Variants in FAM117B observed in about 807,000 individuals in gnomAD.
FAM117B encodes the protein protein FAM117B.
FAM117B carries 22 observed loss-of-function variants against 52.8 expected under a neutral mutation model. The ratio of observed to expected loss-of-function variants is 0.42; its 90% CI spans 0.30 to 0.59. The LOEUF is 0.59. FAM117B is among the 20% of genes least tolerant of loss of function. The pLI is 0.22. For synonymous variants in FAM117B, 309 were observed against 324.1 expected, an observed-to-expected ratio of 0.95 and a Z score of 0.50; for missense variants, 678 against 802.6, an observed-to-expected ratio of 0.84 and a Z score of 1.88.
In FAM117B at chr2:202,768,284, A is replaced by G. The variant is rs1480085573; in HGVS notation, c.*2520A>G. On this transcript the variant is annotated 3_prime_UTR_variant, in exon 8 of 8. Transcript: ENST00000392238. The stretch of plus-strand genomic sequence containing the variant: ...TTCATATCTTTCTGTGGAGTTTCAT[A>G]TGTCCTTAATCTAAAGTAACTTAAA... 6.6e-6 allele frequency: 1 copy of G among 152,164 alleles called. No homozygotes were observed. The highest frequency in any genetic ancestry group is 1.9e-4 in the East Asian group (1 of 5,198). 9.4% of individuals were successfully genotyped at this position (152,164 alleles called of 1,614,324 possible).
At chr2:202,715,701 A>G (rs1302713869) in intron 2 of FAM117B, among the ~76,000 whole-genome samples, 3 of 152,212 alleles carry the variant, frequency 2.0e-5, no homozygotes, top group Admixed American at 6.5e-5. Flanking sequence ...AGAGGCTGCA[A>G]TCTCGGCACT....
At chr2:202,756,029 C>A (rs992029122) in intron 5 of FAM117B, among the ~76,000 whole-genome samples, 4 of 152,206 alleles carry the variant, frequency 2.6e-5, no homozygotes, top group Non-Finnish European at 4.4e-5. Context: ...ACATTGAATA[C>A]CTTCTAAGCA....
chr2:202,635,766 C>G lies in FAM117B; in HGVS notation c.579C>G (p.Pro193=). The change falls in exon 1 of 8, where the codon CCC becomes CCG. Residue 193 remains proline, a synonymous_variant. Coordinates refer to ENST00000392238, the MANE Select transcript of FAM117B (RefSeq NM_173511.4). ...QSRSSPEKRS[P]SAPVCKAGDK... ...GAAGCTCGCCGGAGAAGAGGAGCCC[C>G]AGCGCCCCGGTTTGCAAAGCAGGTA... The G allele has an allele frequency of 6.9e-7, 1 of 1,454,848 alleles. No individual in the cohort carries two copies. Among genetic ancestry groups the G allele is most frequent in the Non-Finnish European group, 9.0e-7 (1 of 1,106,052 alleles). 90.1% of individuals were successfully genotyped at this position (1,454,848 alleles called of 1,614,324 possible).
At chr2:202,730,760 G>T (rs185773266) in intron 4 of FAM117B, among the ~76,000 whole-genome samples, 1 of 152,158 alleles carries the variant, frequency 6.6e-6, no homozygotes, top group African/African-American at 2.4e-5. Context: ...ACTCAAAATC[G>T]TCAAGGACCT....
chr2:202,724,403 A>G (rs371137067), intron 2 of FAM117B, among the ~76,000 whole-genome samples: 16 of 152,340 alleles, frequency 1.1e-4, no homozygotes, highest in African/African-American at 3.6e-4. Context: ...GACATAATAT[A>G]GAAGTTAATA....
chr2:202,683,978 C>T (rs1250667805), intron 1 of FAM117B, among the ~76,000 whole-genome samples: 1 of 152,002 alleles, frequency 6.6e-6, no homozygotes, highest in Non-Finnish European at 1.5e-5. Context: ...GCAGTCCTCC[C>T]ACCTCAGCCT....
rs1291684122 is a variant in FAM117B, at chr2:202,644,552, C to T, written c.601+8764C>T. Among the ~76,000 whole-genome samples, 4 of 152,210 alleles carry T rather than the reference C, an allele frequency of 2.6e-5. No individual in the cohort carries two copies. The East Asian group carries it at 7.7e-4, about 29-fold the overall frequency. ...TTCCCTGGGAATTCTCTTCACTTCT[C>T]TCCTGTTTTGGATACTCTAATTTCT... is the stretch of plus-strand genomic sequence containing the variant. On this transcript the variant is annotated intron_variant, in intron 1 of 7. Coordinates refer to ENST00000392238, the MANE Select transcript of FAM117B (RefSeq NM_173511.4).
At chr2:202,747,155 T>A (rs1256660817) in intron 4 of FAM117B, among the ~76,000 whole-genome samples, 2 of 152,104 alleles carry the variant, frequency 1.3e-5, no homozygotes, top group African/African-American at 2.4e-5. Context: ...ATATATCACA[T>A]CAACAGAATG....
intron 1 of FAM117B, among the ~76,000 whole-genome samples, chr2:202,668,221 TATA>T (rs1391007835): frequency 6.2e-5 from 9 of 145,242 alleles, no homozygotes; most frequent in African/African-American, 7.5e-5. Context: ...TAATATACAA[TATA>T]ATATATATTA....
chr2:202,699,449 G>GAAAAAAAAAAAAAAAAAAA (rs59522030), intron 2 of FAM117B, among the ~76,000 whole-genome samples: 3 of 100,026 alleles, frequency 3.0e-5, no homozygotes, highest in South Asian at 3.7e-4. Context: ...AAAAAAAAAA[G>GAAAAAAAAAAAAAAAAAAA]AAAAAAAAAA....
rs1212542266 is a variant in FAM117B at position 202,643,643 on chromosome 2, G to GC, written c.601+7860dup. Among the ~76,000 whole-genome samples the GC allele has an allele frequency of 5.3e-5, 8 of 151,804 alleles. 1 individual carries two copies. The highest frequency in any genetic ancestry group is 2.1e-4 in the South Asian group (1 of 4,808). On this transcript the variant is annotated intron_variant, in intron 1 of 7. Transcript: ENST00000392238. ...ACATCTTTCTCCACTCCCTCTTCCT[G>GC]CCCCCTAGAAACAACCACTTTCAAC...
intron 2 of FAM117B, among the ~76,000 whole-genome samples, chr2:202,716,203 G>T (rs1691053369): frequency 6.6e-6 from 1 of 152,030 alleles, no homozygotes; most frequent in Non-Finnish European, 1.5e-5. Context: ...AGCTACTCCT[G>T]CTCTTTTTTG....
At chr2:202,682,947 G>A (rs772783977) in intron 1 of FAM117B, among the ~76,000 whole-genome samples, 1 of 152,148 alleles carries the variant, frequency 6.6e-6, no homozygotes, top group Non-Finnish European at 1.5e-5. Flanking sequence ...AATAATTTAA[G>A]CACCTACCTT....
chr2:202,679,300 G>GA (rs1690428115), intron 1 of FAM117B, among the ~76,000 whole-genome samples: 1 of 152,202 alleles, frequency 6.6e-6, no homozygotes, highest in Non-Finnish European at 1.5e-5. Context: ...TAGGCAGGGG[G>GA]AATCTCAGGG....
intron 1 of FAM117B, among the ~76,000 whole-genome samples, chr2:202,652,857 T>G (rs1435883716): frequency 6.6e-6 from 1 of 152,146 alleles, no homozygotes; most frequent in Admixed American, 6.6e-5. Context: ...GTTAAACTTT[T>G]TTACCCGTAA....
chr2:202,638,022 A>G (rs1689713792), intron 1 of FAM117B, among the ~76,000 whole-genome samples: 1 of 152,044 alleles, frequency 6.6e-6, no homozygotes, highest in Admixed American at 6.6e-5. Flanking sequence ...GATTACAGGC[A>G]TGCGCTACCA....
chr2:202,674,694 C>T (rs1484792776), intron 1 of FAM117B, among the ~76,000 whole-genome samples: 25 of 152,238 alleles, frequency 1.6e-4, no homozygotes, highest in Admixed American at 1.6e-3. Context: ...TCTCCATCCA[C>T]AGGGCTGTCC....
chr2:202,669,831 G>T (rs2105765191), intron 1 of FAM117B, among the ~76,000 whole-genome samples: 1 of 152,110 alleles, frequency 6.6e-6, no homozygotes, highest in Middle Eastern at 3.4e-3. Context: ...TTCTTTGTTT[G>T]CTTGAAGTAT....
At position 202,755,591 on chromosome 2, in the gene FAM117B, A is replaced by C. The variant is rs989584874; in HGVS notation, c.1014A>C (p.Thr338=). 3 of 1,614,062 alleles carry C rather than the reference A, an allele frequency of 1.9e-6. No individual in the cohort carries two copies. The highest frequency in any genetic ancestry group is 2.5e-6 in the Non-Finnish European group (3 of 1,180,010). ...LIPVIPITKS[T]GSRFRNSVEG... is the part of the protein sequence containing the mutation. ...CTGTAATTCCCATCACCAAATCAAC[A>C]GGCTCCCGGTTCCGGAATAGCGTGG... is the stretch of plus-strand genomic sequence containing the variant. The change falls in exon 5 of 8, where the codon ACA becomes ACC. Residue 338 remains threonine, a synonymous_variant. Transcript: ENST00000392238.
Sources: allele counts gnomAD v4.1 joint callset (sites outside exome capture counted in the v4.1 genomes callset), GRCh38; gene constraint gnomAD v4.1.1; transcripts MANE v1.5; gene names NCBI Gene and HGNC (gene_info 2026-07-23, HGNC 2026-07-21).